The following NLGN4X variants were observed in gnomAD, a reference collection of about 807,000 sequenced individuals.
NLGN4X encodes neuroligin 4 X-linked.
A neutral mutation model predicts 40.3 loss-of-function variants in NLGN4X; 3 were observed. The ratio of observed to expected loss-of-function variants is 0.07; its 90% CI spans 0.03 to 0.19. The LOEUF is 0.19. Ranked by LOEUF, NLGN4X falls within the 10% of genes least tolerant of loss-of-function variation. The pLI is 1.00. For synonymous variants in NLGN4X, 270 were observed against 306.8 expected (o/e 0.88, Z 1.25); for missense variants, 382 against 708.3 (o/e 0.54, Z 5.23).
At chrX:5,979,708 C>T (rs1329978584) in intron 3 of NLGN4X, among the ~76,000 whole-genome samples, 1 of 70,705 alleles carries the variant, frequency 1.4e-5, no homozygotes, top group Non-Finnish European at 2.9e-5. Flanking sequence ...TTTAATTCTC[C>T]TTTTAGAATA....
intron 1 of NLGN4X, among the ~76,000 whole-genome samples, chrX:6,182,673 G>A (rs1246071327): frequency 2.7e-5 from 3 of 111,656 alleles, no homozygotes; most frequent in African/African-American, 6.5e-5. Context: ...CATTACAAGG[G>A]CCCTTACAAG....
chrX:5,912,360 AT>A (rs1325791214), intron 3 of NLGN4X, among the ~76,000 whole-genome samples: 1 of 111,431 alleles, frequency 9.0e-6, no homozygotes, highest in Non-Finnish European at 1.9e-5. Flanking sequence ...AGCAGCACTC[AT>A]TCCCTAGCCC....
intron 2 of NLGN4X, among the ~76,000 whole-genome samples, chrX:6,102,675 G>A (rs12012391): frequency 6.4e-5 from 4 of 62,792 alleles, no homozygotes; most frequent in Non-Finnish European, 9.3e-5. Flanking sequence ...TACATACATA[G>A]ACAGATAGAT....
chrX:6,147,207 A>T (rs1000021431), intron 2 of NLGN4X, among the ~76,000 whole-genome samples: 1 of 111,958 alleles, frequency 8.9e-6, no homozygotes, highest in African/African-American at 3.2e-5. Flanking sequence ...CTTAAGATGT[A>T]TGTCCAAGGA....
chrX:6,042,938 T>C (rs1351263717), intron 2 of NLGN4X, among the ~76,000 whole-genome samples: 1 of 104,358 alleles, frequency 9.6e-6, no homozygotes, highest in Non-Finnish European at 2.0e-5. Flanking sequence ...TAGCCAGACA[T>C]GGTGTCACAT....
intron 2 of NLGN4X, among the ~76,000 whole-genome samples, chrX:6,060,946 A>G (rs954110015): frequency 1.5e-4 from 17 of 111,555 alleles, no homozygotes; most frequent in Admixed American, 7.7e-4. Context: ...AAGGGGACAA[A>G]TACACACTTG....
chrX:6,082,976 T>TTTTTTTG, intron 2 of NLGN4X, among the ~76,000 whole-genome samples: 1 of 86,960 alleles, frequency 1.1e-5, no homozygotes, highest in Non-Finnish European at 2.2e-5. Flanking sequence ...TTTTTTTTTT[T>TTTTTTTG]TGAGACGGAG....
intron 1 of NLGN4X, among the ~76,000 whole-genome samples, chrX:6,215,549 C>CAAAA (rs3072697): frequency 1.3e-5 from 1 of 77,371 alleles, no homozygotes; most frequent in African/African-American, 4.5e-5. Flanking sequence ...AACTCCGTCT[C>CAAAA]AAAAAAAAAA....
intron 2 of NLGN4X, among the ~76,000 whole-genome samples, chrX:6,087,961 G>T (rs1375685267): frequency 1.8e-5 from 2 of 110,562 alleles, no homozygotes; most frequent in Non-Finnish European, 3.8e-5. Context: ...CTATTTTTTT[G>T]ATGTCATTTA....
At chrX:6,140,736 C>T (rs1276520864) in intron 2 of NLGN4X, among the ~76,000 whole-genome samples, 1 of 65,623 alleles carries the variant, frequency 1.5e-5, no homozygotes, top group Admixed American at 1.8e-4. Flanking sequence ...CACCACCATG[C>T]CCAGCTAATT....
chrX:6,172,720 T>C (rs1054759638), intron 1 of NLGN4X, among the ~76,000 whole-genome samples: 3 of 112,142 alleles, frequency 2.7e-5, no homozygotes, highest in African/African-American at 6.5e-5. Flanking sequence ...TGTAAGACTG[T>C]CTTTTCTCAC....
In NLGN4X at chrX:5,896,319, T is replaced by G. The variant is rs985213669; in HGVS notation, c.1602-2653A>C. ...GTCTGTCTATTAAAGATCTCGGAGA[T>G]GCACAGCCAGAATTCTTAAAGCCAG... On this transcript the variant is annotated intron_variant, in intron 5 of 5. Transcript: ENST00000381095. Among the ~76,000 whole-genome samples the G allele has an allele frequency of 2.7e-5, 3 of 112,352 alleles. No homozygotes were observed. In the East Asian group the frequency reaches 8.4e-4, roughly 31 times the overall value.
At chrX:6,122,946 T>C (rs899726090) in intron 2 of NLGN4X, among the ~76,000 whole-genome samples, 2 of 106,796 alleles carry the variant, frequency 1.9e-5, no homozygotes, top group African/African-American at 6.8e-5. Flanking sequence ...GGATGAAAAA[T>C]GGTGGAAAAA....
chrX:5,917,644 T>C (rs1041210988), intron 3 of NLGN4X, among the ~76,000 whole-genome samples: 1 of 112,033 alleles, frequency 8.9e-6, no homozygotes, highest in Admixed American at 9.5e-5. Context: ...GAAACAGCAT[T>C]GCGCTTGGTG....
At chrX:6,027,883 C>G (rs1346341809) in intron 3 of NLGN4X, among the ~76,000 whole-genome samples, 1 of 107,533 alleles carries the variant, frequency 9.3e-6, no homozygotes, top group East Asian at 2.9e-4. Context: ...ATGGCGCTAT[C>G]TCTGCTCATT....
At chrX:6,133,212 CCAT>C (rs376006632) in intron 2 of NLGN4X, among the ~76,000 whole-genome samples, 76 of 110,605 alleles carry the variant, frequency 6.9e-4, no homozygotes, top group African/African-American at 2.2e-3. Context: ...ACCATCATAA[CCAT>C]CATCATCACC....
chrX:5,948,681 G>T (rs552309012), intron 3 of NLGN4X, among the ~76,000 whole-genome samples: 1 of 111,743 alleles, frequency 8.9e-6, no homozygotes, highest in African/African-American at 3.3e-5. Context: ...ATGTACTTTA[G>T]GTTTCTGTTG....
chrX:6,094,904 T>C (rs1450729490), intron 2 of NLGN4X, among the ~76,000 whole-genome samples: 1 of 110,668 alleles, frequency 9.0e-6, no homozygotes, highest in Non-Finnish European at 1.9e-5. Flanking sequence ...GGTAAATACA[T>C]CTAGGGTGCA....
At chrX:6,061,975 G>A (rs945971061) in intron 2 of NLGN4X, among the ~76,000 whole-genome samples, 1 of 111,242 alleles carries the variant, frequency 9.0e-6, no homozygotes, top group Non-Finnish European at 1.9e-5. Context: ...ATTTTATTCC[G>A]CCTCATAGCT....
Sources: gnomAD v4.1 joint callset for allele counts (sites outside exome capture counted in the v4.1 genomes callset) on GRCh38, gnomAD v4.1.1 for gene constraint, MANE v1.5 for transcripts, NCBI Gene and HGNC (gene_info 2026-07-23, HGNC 2026-07-21) for gene names.